Variants in GOLM1 observed in about 807,000 individuals in gnomAD.
The protein encoded by GOLM1 is epididymis luminal protein 46.
GOLM1 carries 31 observed loss-of-function variants against 50.5 expected under a neutral mutation model. The observed-to-expected ratio is 0.61, with a 90% CI of 0.46 to 0.83. GOLM1 has a LOEUF of 0.83. Ranked by LOEUF, GOLM1 falls within the 40% of genes least tolerant of loss-of-function variation. The probability of loss-of-function intolerance (pLI) is 0.00; values close to 1 mark genes in which losing one functional copy is unlikely to be tolerated. For missense variants in GOLM1, 491 were observed against 501.3 expected, an observed-to-expected ratio of 0.98 and a Z score of 0.20; for synonymous variants, 178 against 192.8, an observed-to-expected ratio of 0.92 and a Z score of 0.64.
chr9:86,069,865 T>C (rs1834398223), intron 3 of GOLM1, among the ~76,000 whole-genome samples: 1 of 150,610 alleles, frequency 6.6e-6, no homozygotes, highest in African/African-American at 2.5e-5. Flanking sequence ...CCCATTTTAG[T>C]CTCCAAGGCT....
At chr9:86,060,652 C>T (rs1169788926) in intron 3 of GOLM1, among the ~76,000 whole-genome samples, 2 of 151,736 alleles carry the variant, frequency 1.3e-5, no homozygotes, top group Non-Finnish European at 2.9e-5. Flanking sequence ...GAGGCCGAGG[C>T]GGGTGGATCA....
At chr9:86,085,578 C>T (rs1379554025) in intron 1 of GOLM1, among the ~76,000 whole-genome samples, 1 of 151,810 alleles carries the variant, frequency 6.6e-6, no homozygotes, top group East Asian at 1.9e-4. Context: ...TTGCTGCACC[C>T]ATCAACCCCT....
chr9:86,047,888 TTTAA>T (rs1158166823), intron 4 of GOLM1, among the ~76,000 whole-genome samples: 1 of 152,222 alleles, frequency 6.6e-6, no homozygotes, highest in Non-Finnish European at 1.5e-5. Flanking sequence ...ATTATTATTT[TTTAA>T]TTATACTTTA....
In GOLM1 at chr9:86,027,620, C is replaced by G. The variant is rs1452736356; in HGVS notation, c.*197G>C. The stretch of plus-strand genomic sequence containing the variant: ...AATTGTGACACCTTATTAGACACTT[C>G]CAAAGTACCCCCCAAAAGCTGTTTA... On this transcript the variant is annotated 3_prime_UTR_variant, in exon 10 of 10. Transcript: ENST00000388712. The G allele has an allele frequency of 7.3e-7, 1 of 1,361,862 alleles. No individual in the cohort carries two copies. Among genetic ancestry groups the G allele is most frequent in the Non-Finnish European group, 9.4e-7 (1 of 1,062,050 alleles). The allele number at this position is 1,361,862 out of a possible 1,614,324, so 84.4% of individuals were successfully genotyped here. A position where few individuals can be genotyped will look rare whatever the true frequency, so the allele number is the denominator to read the frequency against.
Position 86,026,831 on chromosome 9 carries a change from T to TAA in GOLM1, c.*985_*986insTT. The TAA allele has an allele frequency of 1.0e-6, 1 of 978,438 alleles. No homozygotes were observed. The highest frequency in any genetic ancestry group is 1.2e-6 in the Non-Finnish European group (1 of 823,566). 60.6% of individuals were successfully genotyped at this position (978,438 alleles called of 1,614,324 possible). On this transcript the variant is annotated 3_prime_UTR_variant, in exon 10 of 10. Coordinates refer to ENST00000388712, the MANE Select transcript of GOLM1 (RefSeq NM_016548.4). The stretch of plus-strand genomic sequence containing the variant: ...TTTACCACAAGCTAAATGTGTACAC[T>TAA]ATGATAAAAACAACCATTGTATTCC...
At chr9:86,067,106 T>C in intron 3 of GOLM1, among the ~76,000 whole-genome samples, 1 of 152,172 alleles carries the variant, frequency 6.6e-6, no homozygotes, top group East Asian at 1.9e-4. Context: ...CAGCTAATTT[T>C]TGTATTTTTA....
At chr9:86,047,730 A>G (rs1564345046) in intron 4 of GOLM1, among the ~76,000 whole-genome samples, 1 of 152,222 alleles carries the variant, frequency 6.6e-6, no homozygotes, top group South Asian at 2.1e-4. Context: ...TAGGCAAGAG[A>G]TAACGGAATA....
At chr9:86,039,116 A>G (rs183340776) in intron 6 of GOLM1, among the ~76,000 whole-genome samples, 1 of 152,198 alleles carries the variant, frequency 6.6e-6, no homozygotes, top group Admixed American at 6.5e-5. Context: ...AAAATAACTC[A>G]ATTAAAAAAT....
At position 86,040,850 on chromosome 9, in the gene GOLM1, C is replaced by T; in HGVS notation, c.486G>A (p.Gln162=). The T allele has an allele frequency of 6.2e-7, 1 of 1,613,898 alleles. No individual in the cohort carries two copies. The highest frequency in any genetic ancestry group is 8.5e-7 in the Non-Finnish European group (1 of 1,179,928). ...FSYDLSQCIN[Q]MKEVKEQCEE... is the part of the protein sequence containing the mutation. The stretch of plus-strand genomic sequence containing the variant: ...CACACTGTTCCTTCACCTCCTTCAT[C>T]TGATTGATGCACTGGCTCCTTTGGT... The change falls in exon 6 of 10, where the codon CAG becomes CAA. Residue 162 remains glutamine (Q), a synonymous_variant. Coordinates refer to ENST00000388712, the MANE Select transcript of GOLM1 (RefSeq NM_016548.4).
At chr9:86,076,690 C>A (rs1270867454) in intron 3 of GOLM1, among the ~76,000 whole-genome samples, 3 of 151,572 alleles carry the variant, frequency 2.0e-5, no homozygotes, top group African/African-American at 7.3e-5. Context: ...ATGGTGAAAA[C>A]CCCATCTCTA....
In GOLM1 at chr9:86,077,604, C is replaced by G. The variant is rs1037334530; in HGVS notation, c.130-13G>C. 6.2e-7 allele frequency: 1 copy of G among 1,608,324 alleles called. No homozygotes were observed. Among genetic ancestry groups the G allele is most frequent in the Non-Finnish European group, 8.5e-7 (1 of 1,175,680 alleles). ...CCATGATCCGTGTCTACAAGGAGAC[C>G]GTGGCATTAGGGCTGATGCCAAGTT... On this transcript the variant is annotated splice_polypyrimidine_tract_variant and intron_variant, in intron 2 of 9. Coordinates refer to ENST00000388712, the MANE Select transcript of GOLM1 (RefSeq NM_016548.4).
chr9:86,068,640 G>C (rs1834371800), intron 3 of GOLM1, among the ~76,000 whole-genome samples: 1 of 152,232 alleles, frequency 6.6e-6, no homozygotes, highest in Admixed American at 6.5e-5. Context: ...GCAGTGCAGA[G>C]TAGAGACAAC....
intron 1 of GOLM1, among the ~76,000 whole-genome samples, chr9:86,085,453 GTT>G (rs11397922): frequency 0.026 from 2,382 of 93,122 alleles, 41 homozygotes; most frequent in African/African-American, 0.1. Context: ...CAAAGTTTTT[GTT>G]TTTTTTTTTT....
intron 3 of GOLM1, among the ~76,000 whole-genome samples, chr9:86,059,989 T>A (rs1834111391): frequency 7.7e-6 from 1 of 130,298 alleles, no homozygotes; most frequent in Non-Finnish European, 1.6e-5. Flanking sequence ...AGATGTATGA[T>A]ACATTAAAAA....
chr9:86,089,729 T>C (rs1835112512), intron 1 of GOLM1, among the ~76,000 whole-genome samples: 1 of 152,146 alleles, frequency 6.6e-6, no homozygotes. Flanking sequence ...GAGGAGTTTA[T>C]TACCCACCTT....
chr9:86,042,114 C>T (rs1833375556), intron 5 of GOLM1, among the ~76,000 whole-genome samples: 1 of 152,062 alleles, frequency 6.6e-6, no homozygotes, highest in African/African-American at 2.4e-5. Context: ...GAGACTCCGT[C>T]TCAAAAAAAA....
At chr9:86,077,922 CGCT>C (rs1284446355) in intron 2 of GOLM1, 2 of 277,650 alleles carry the variant, frequency 7.2e-6, no homozygotes, top group Non-Finnish European at 1.3e-5. Context: ...AGTTCTTCTT[CGCT>C]GCTAACAAAG....
At chr9:86,034,183 T>C (rs1833067858) in intron 8 of GOLM1, among the ~76,000 whole-genome samples, 1 of 152,168 alleles carries the variant, frequency 6.6e-6, no homozygotes, top group Admixed American at 6.5e-5. Flanking sequence ...CAGGATGGTC[T>C]TGAACTCCTG....
At chr9:86,092,296 T>C (rs530459518) in intron 1 of GOLM1, among the ~76,000 whole-genome samples, 1 of 152,362 alleles carries the variant, frequency 6.6e-6, no homozygotes, top group East Asian at 1.9e-4. Context: ...CTTTTTTCCA[T>C]TTTATGAGGA....
Sources: gnomAD v4.1 joint callset for allele counts (sites outside exome capture counted in the v4.1 genomes callset) on GRCh38, gnomAD v4.1.1 for gene constraint, MANE v1.5 for transcripts, NCBI Gene and HGNC (gene_info 2026-07-23, HGNC 2026-07-21) for gene names.